LCLAT1: variants seen among roughly 807,000 people sequenced by gnomAD.
The protein encoded by LCLAT1 is lysocardiolipin acyltransferase 1, also known as 1-AGP acyltransferase 8.
A neutral mutation model predicts 30.7 loss-of-function variants in LCLAT1; 11 were observed. The ratio of observed to expected loss-of-function variants is 0.36; its 90% confidence interval spans 0.23 to 0.59. The LOEUF is 0.59. Among genes scored for constraint, LCLAT1 ranks in the 20% least tolerant of loss-of-function variants. The pLI, the probability that LCLAT1 is intolerant of heterozygous loss-of-function variation, is 0.77. For missense variants in LCLAT1, 402 were observed against 458.6 expected (o/e 0.88, Z 1.13); for synonymous variants, 155 against 151.3 (o/e 1.02, Z -0.18).
chr2:30,507,597 A>G (rs79137744), intron 1 of LCLAT1, among the ~76,000 whole-genome samples: 1 of 152,162 alleles, frequency 6.6e-6, no homozygotes, highest in Non-Finnish European at 1.5e-5. Context: ...TTTGCTTAGG[A>G]TAATGGTCTC....
At chr2:30,579,411 TATC>T (rs1666121357) in intron 5 of LCLAT1, among the ~76,000 whole-genome samples, 1 of 152,222 alleles carries the variant, frequency 6.6e-6, no homozygotes, top group Non-Finnish European at 1.5e-5. Context: ...TTGTAGTTAA[TATC>T]ATGTGATTAA....
At chr2:30,630,550 A>G (rs1668718618) in intron 5 of LCLAT1, among the ~76,000 whole-genome samples, 1 of 152,212 alleles carries the variant, frequency 6.6e-6, no homozygotes, top group Non-Finnish European at 1.5e-5. Context: ...TATTTTTTGA[A>G]TTCAGAGAAA....
chr2:30,623,145 C>T (rs1668348030), intron 5 of LCLAT1, among the ~76,000 whole-genome samples: 2 of 148,052 alleles, frequency 1.4e-5, no homozygotes, highest in South Asian at 4.2e-4. Flanking sequence ...GCTCCGCCTC[C>T]TGGATTCATG....
At chr2:30,522,696 G>A (rs1482707370) in intron 1 of LCLAT1, among the ~76,000 whole-genome samples, 1 of 152,182 alleles carries the variant, frequency 6.6e-6, no homozygotes, top group Non-Finnish European at 1.5e-5. Context: ...AAGTAGGATA[G>A]AAGTAATTTT....
At chr2:30,471,211 CTATT>C in intron 1 of LCLAT1, among the ~76,000 whole-genome samples, 1 of 151,122 alleles carries the variant, frequency 6.6e-6, no homozygotes, top group Non-Finnish European at 1.5e-5. Context: ...TGCACCCGGC[CTATT>C]TATTTATTTT....
intron 1 of LCLAT1, among the ~76,000 whole-genome samples, chr2:30,521,402 CT>C (rs1685459227): frequency 6.8e-6 from 1 of 147,670 alleles, no homozygotes; most frequent in Non-Finnish European, 1.5e-5. Flanking sequence ...TCCAAGAACT[CT>C]CTTTTGGGGT....
intron 5 of LCLAT1, among the ~76,000 whole-genome samples, chr2:30,621,526 G>A (rs995099086): frequency 6.6e-5 from 10 of 152,098 alleles, no homozygotes; most frequent in African/African-American, 1.7e-4. Context: ...AAGAAATACT[G>A]CAGAAACATA....
chr2:30,587,766 CT>C (rs571381058), intron 5 of LCLAT1, among the ~76,000 whole-genome samples: 25 of 147,880 alleles, frequency 1.7e-4, no homozygotes, highest in Admixed American at 3.4e-4. Flanking sequence ...TTTATGGTAC[CT>C]TTTTTTTTTA....
In LCLAT1 at chr2:30,562,496, C is replaced by T. The variant is rs542976175; in HGVS notation, c.511+204C>T. On this transcript the variant is annotated intron_variant, in intron 4 of 5. Coordinates refer to ENST00000379509, the MANE Select transcript of LCLAT1 (RefSeq NM_001002257.3). Reference sequence around the variant, plus strand: ...GACCAGCCTGAGCTACATAGCGAGACTTCATCTCAAAAAAACAAAACAAAA... The same window carrying T: ...GACCAGCCTGAGCTACATAGCGAGATTTCATCTCAAAAAAACAAAACAAAA... Among the ~76,000 whole-genome samples the T allele has an allele frequency of 2.0e-5, 3 of 151,436 alleles. No individual in the cohort carries two copies. The South Asian group carries it at 6.2e-4, about 31-fold the overall frequency.
intron 1 of LCLAT1, among the ~76,000 whole-genome samples, chr2:30,504,159 T>C (rs1325647288): frequency 6.6e-6 from 1 of 152,086 alleles, no homozygotes; most frequent in Non-Finnish European, 1.5e-5. Flanking sequence ...AACATAAACA[T>C]ATACAACATA....
chr2:30,625,729 T>C (rs1668477188), intron 5 of LCLAT1, among the ~76,000 whole-genome samples: 1 of 152,200 alleles, frequency 6.6e-6, no homozygotes, highest in Non-Finnish European at 1.5e-5. Flanking sequence ...TGCTATAGTT[T>C]TGATGGGTAC....
At chr2:30,570,919 A>T (rs183337063) in intron 5 of LCLAT1, among the ~76,000 whole-genome samples, 1 of 152,204 alleles carries the variant, frequency 6.6e-6, no homozygotes, top group Non-Finnish European at 1.5e-5. Context: ...AAAAAGTTTC[A>T]TTAGTGATTG....
At chr2:30,508,223 C>G (rs1176481201) in intron 1 of LCLAT1, among the ~76,000 whole-genome samples, 1 of 152,032 alleles carries the variant, frequency 6.6e-6, no homozygotes, top group Non-Finnish European at 1.5e-5. Flanking sequence ...TTTTCCCTTT[C>G]CGTTAGTTGT....
At chr2:30,568,036 A>G (rs1367070757) in intron 4 of LCLAT1, 24 bp from the exon 5 acceptor site, 3 of 1,204,160 alleles carry the variant, frequency 2.5e-6, no homozygotes, top group African/African-American at 1.5e-5. Context: ...TTTATGATTT[A>G]TAATGGTCCA....
At chr2:30,542,560 A>T (rs886491160) in intron 3 of LCLAT1, among the ~76,000 whole-genome samples, 1 of 152,016 alleles carries the variant, frequency 6.6e-6, no homozygotes, top group Admixed American at 6.5e-5. Flanking sequence ...GTTCTTTTAA[A>T]TTTTTTTCAA....
chr2:30,528,337 T>G (rs967023836), intron 2 of LCLAT1, among the ~76,000 whole-genome samples: 5 of 152,238 alleles, frequency 3.3e-5, no homozygotes, highest in African/African-American at 1.2e-4. Flanking sequence ...CTATTATTAC[T>G]GCTAGTAGCA....
At chr2:30,495,894 C>T (rs1684086835) in intron 1 of LCLAT1, among the ~76,000 whole-genome samples, 1 of 152,076 alleles carries the variant, frequency 6.6e-6, no homozygotes, top group South Asian at 2.1e-4. Flanking sequence ...TGTGGAGATA[C>T]AGATAATATA....
At chr2:30,598,134 A>G (rs997677460) in intron 5 of LCLAT1, among the ~76,000 whole-genome samples, 3 of 152,166 alleles carry the variant, frequency 2.0e-5, no homozygotes, top group Non-Finnish European at 2.9e-5. Flanking sequence ...AGGTTTTGGT[A>G]TCAGGATAAT....
chr2:30,598,860 T>C (rs758508824), intron 5 of LCLAT1, among the ~76,000 whole-genome samples: 6 of 152,208 alleles, frequency 3.9e-5, no homozygotes, highest in South Asian at 2.1e-4. Context: ...TTTGTTCTTA[T>C]TGATTTCAAA....
Sources: allele counts gnomAD v4.1 joint callset (sites outside exome capture counted in the v4.1 genomes callset), GRCh38; gene constraint gnomAD v4.1.1; transcripts MANE v1.5; gene names NCBI Gene and HGNC (gene_info 2026-07-23, HGNC 2026-07-21).